Variants in L3MBTL4 observed in about 807,000 individuals in gnomAD.
The protein encoded by L3MBTL4 is lethal(3)malignant brain tumor-like protein 4.
In L3MBTL4, 70 loss-of-function variants were observed where a neutral mutation model predicts 84.5. That is an observed-to-expected ratio of 0.83 (90% CI 0.68 to 1.01). The LOEUF (loss-of-function observed/expected upper bound fraction) is 1.01, where lower values mean the gene tolerates loss of function less well. L3MBTL4 is among the 50% of genes least tolerant of loss of function. L3MBTL4 has a pLI of 0.00. For synonymous variants in L3MBTL4, 274 were observed against 259.8 expected, an observed-to-expected ratio of 1.05 and a Z score of -0.52; for missense variants, 715 against 754.8, an observed-to-expected ratio of 0.95 and a Z score of 0.62.
intron 13 of L3MBTL4, among the ~76,000 whole-genome samples, chr18:6,158,185 C>T (rs866825476): frequency 2.0e-5 from 3 of 152,192 alleles, no homozygotes; most frequent in Non-Finnish European, 4.4e-5. Flanking sequence ...GAGATACCAC[C>T]GTCCTTCCAT....
chr18:6,285,162 A>G (rs1165133227), intron 4 of L3MBTL4, among the ~76,000 whole-genome samples: 1 of 152,166 alleles, frequency 6.6e-6, no homozygotes. Flanking sequence ...GGAGCAAAGG[A>G]GCTTGAAGAT....
intron 16 of L3MBTL4, 64 bp downstream of exon 16, chr18:6,080,817 A>T: frequency 1.6e-6 from 2 of 1,213,784 alleles, no homozygotes; most frequent in Non-Finnish European, 2.4e-6. Flanking sequence ...AAACAGTCAA[A>T]CAAATAAGAC....
At chr18:6,075,165 G>A (rs1039819805) in intron 16 of L3MBTL4, among the ~76,000 whole-genome samples, 37 of 152,184 alleles carry the variant, frequency 2.4e-4, no homozygotes, top group African/African-American at 8.7e-4. Context: ...TTTGTATGAT[G>A]TGTGTGTGTA....
intron 16 of L3MBTL4, among the ~76,000 whole-genome samples, chr18:5,995,694 A>G (rs558449750): frequency 9.9e-4 from 151 of 152,340 alleles, no homozygotes; most frequent in African/African-American, 3.5e-3. Context: ...TGGGAGTTCT[A>G]AGAACTCGTG....
chr18:6,253,903 C>T (rs958001112), intron 5 of L3MBTL4, among the ~76,000 whole-genome samples: 1 of 152,184 alleles, frequency 6.6e-6, no homozygotes. Context: ...CTGGCTTTCT[C>T]TTGTTTTAAT....
intron 13 of L3MBTL4, among the ~76,000 whole-genome samples, chr18:6,168,100 A>G (rs1054252965): frequency 1.3e-5 from 2 of 151,784 alleles, no homozygotes; most frequent in African/African-American, 4.8e-5. Context: ...AATAAAATAA[A>G]TAGGAATCCA....
At chr18:6,099,345 T>C (rs939276754) in intron 14 of L3MBTL4, among the ~76,000 whole-genome samples, 10 of 151,824 alleles carry the variant, frequency 6.6e-5, no homozygotes, top group Admixed American at 3.9e-4. Context: ...ATGCAGATTA[T>C]TGAAGTTATT....
In L3MBTL4 at chr18:6,127,947, AC is replaced by A. The variant is rs377053862; in HGVS notation, c.1199+10246del. ...ACTCTAAAAAGTGAACAAAACAAAG[AC>A]TACCAGAATTTGAGAAATGCCTTTA... On this transcript the variant is annotated intron_variant, in intron 14 of 18. Coordinates refer to ENST00000317931, the MANE Select transcript of L3MBTL4 (RefSeq NM_001330559.2). Among the ~76,000 whole-genome samples the A allele has an allele frequency of 5.8e-3, 886 of 151,482 alleles. 2 individuals are homozygous for A. Among genetic ancestry groups the A allele is most frequent in the Middle Eastern group, 0.017 (5 of 292 alleles).
intron 4 of L3MBTL4, among the ~76,000 whole-genome samples, chr18:6,283,178 C>T (rs907915939): frequency 5.3e-5 from 8 of 152,194 alleles, no homozygotes; most frequent in African/African-American, 1.7e-4. Context: ...TAAATCTGTT[C>T]AACTTACTAA....
intron 1 of L3MBTL4, among the ~76,000 whole-genome samples, chr18:6,348,441 TCAGAAA>T (rs1191270630): frequency 1.3e-5 from 2 of 152,036 alleles, no homozygotes; most frequent in East Asian, 3.9e-4. Context: ...ATTAGAAAGT[TCAGAAA>T]CAGATACATA....
At position 5,956,329 on chromosome 18, in the gene L3MBTL4, TTCA is replaced by T; in HGVS notation, c.1733_1735del (p.Met578del). 6.2e-7 allele frequency: 1 copy of T among 1,614,126 alleles called. No individual in the cohort carries two copies. The highest frequency in any genetic ancestry group is 2.2e-5 in the East Asian group (1 of 44,872). ...CTTCAGTGCTGGGCCCAGTTTGATCTTCATCACTTTGACAATGTCCGTCTGTGT... is the reference window on the plus strand; with the variant it reads ...CTTCAGTGCTGGGCCCAGTTTGATCTTCACTTTGACAATGTCCGTCTGTGT... On this transcript the variant is annotated inframe_deletion, in exon 19 of 19. Coordinates refer to ENST00000317931, the MANE Select transcript of L3MBTL4 (RefSeq NM_001330559.2).
At chr18:6,310,439 T>C (rs2050775814) in intron 3 of L3MBTL4, among the ~76,000 whole-genome samples, 1 of 152,232 alleles carries the variant, frequency 6.6e-6, no homozygotes, top group Non-Finnish European at 1.5e-5. Flanking sequence ...GGCACAGACC[T>C]ATTCTGAACA....
At position 6,278,209 on chromosome 18, in the gene L3MBTL4, T is replaced by C. The variant is rs535181789; in HGVS notation, c.128-14171A>G. Among the ~76,000 whole-genome samples, 9 of 152,278 alleles carry C rather than the reference T, an allele frequency of 5.9e-5. No homozygotes were observed. The East Asian group carries it at 1.7e-3, about 29-fold the overall frequency. The stretch of plus-strand genomic sequence containing the variant: ...ATTGAAGGGTTTTAATGTTTTGCTA[T>C]ATATTTGCTGTTACATTATGGTAAA... On this transcript the variant is annotated intron_variant, in intron 4 of 18. Transcript: ENST00000317931.
At chr18:6,064,951 A>G (rs909472818) in intron 16 of L3MBTL4, among the ~76,000 whole-genome samples, 1 of 149,266 alleles carries the variant, frequency 6.7e-6, no homozygotes, top group Non-Finnish European at 1.5e-5. Context: ...AATGCTTTAA[A>G]CTCTTCGCCA....
intron 16 of L3MBTL4, among the ~76,000 whole-genome samples, chr18:6,025,942 C>G (rs1372624642): frequency 6.6e-6 from 1 of 152,164 alleles, no homozygotes; most frequent in Non-Finnish European, 1.5e-5. Context: ...GTTGGGGACC[C>G]CTGTTCTAAA....
chr18:6,227,138 T>G (rs549735441), intron 10 of L3MBTL4, among the ~76,000 whole-genome samples: 2 of 152,170 alleles, frequency 1.3e-5, no homozygotes, highest in Non-Finnish European at 2.9e-5. Context: ...TGCTTCAAAA[T>G]ATACAAAGCA....
rs927955031 is a variant in L3MBTL4 at position 6,386,470 on chromosome 18, A to G, written c.-91+28331T>C. On this transcript the variant is annotated intron_variant, in intron 1 of 18. Coordinates refer to ENST00000317931, the MANE Select transcript of L3MBTL4 (RefSeq NM_001330559.2). ...TGTGACGCACTGTGCTGGGCACTGC[A>G]GATAAAGCAGTAAACAAAGCAAAGT... is the stretch of plus-strand genomic sequence containing the variant. 4.6e-5 allele frequency among the ~76,000 whole-genome samples: 7 copies of G among 152,248 alleles called. 1 individual carries two copies. In the South Asian group the frequency reaches 8.3e-4, roughly 18 times the overall value.
intron 3 of L3MBTL4, among the ~76,000 whole-genome samples, chr18:6,305,198 G>A (rs1334790084): frequency 6.6e-6 from 1 of 152,146 alleles, no homozygotes. Context: ...AAATGGAAAA[G>A]TATTTAGTAT....
At chr18:6,275,918 T>A (rs940722514) in intron 4 of L3MBTL4, among the ~76,000 whole-genome samples, 5 of 152,194 alleles carry the variant, frequency 3.3e-5, no homozygotes, top group Non-Finnish European at 7.3e-5. Context: ...AGGGCAAACC[T>A]GCTTCCCACT....
Sources: allele counts gnomAD v4.1 joint callset (sites outside exome capture counted in the v4.1 genomes callset), GRCh38; gene constraint gnomAD v4.1.1; transcripts MANE v1.5; gene names NCBI Gene and HGNC (gene_info 2026-07-23, HGNC 2026-07-21).